The following HMGXB3 variants were observed in gnomAD, a reference collection of about 807,000 sequenced individuals.
The protein encoded by HMGXB3 is HMG-box containing 3.
HMGXB3 carries 45 observed loss-of-function variants against 121.5 expected under a neutral mutation model. The ratio of observed to expected loss-of-function variants is 0.37; its 90% CI spans 0.29 to 0.47. The LOEUF (loss-of-function observed/expected upper bound fraction) is 0.47. Ranked by LOEUF, HMGXB3 falls within the 20% of genes least tolerant of loss-of-function variation. HMGXB3 has a pLI of 0.99. For missense variants in HMGXB3, 1,376 were observed against 1,602.2 expected (o/e 0.86, Z 2.41); for synonymous variants, 590 against 624.1 (o/e 0.95, Z 0.81).
intron 11 of HMGXB3, among the ~76,000 whole-genome samples, chr5:150,033,282 A>T (rs1756423543): frequency 6.6e-6 from 1 of 152,196 alleles, no homozygotes; most frequent in Non-Finnish European, 1.5e-5. Flanking sequence ...TGAGAAGAGA[A>T]ATGTCACTGG....
At chr5:150,030,183 AAC>A (rs1756339440) in intron 9 of HMGXB3, 2 of 152,072 alleles carry the variant, frequency 1.3e-5, no homozygotes, top group Admixed American at 1.3e-4. Context: ...TTCCTTATAA[AAC>A]ATTTGAGGCC....
intron 7 of HMGXB3, among the ~76,000 whole-genome samples, chr5:150,025,200 T>C (rs1756199144): frequency 6.6e-6 from 1 of 152,228 alleles, no homozygotes; most frequent in African/African-American, 2.4e-5. Context: ...AACTGAAGAT[T>C]GTATATAAAA....
chr5:150,045,711 G>A (rs1053958159), intron 16 of HMGXB3, 26 bp downstream of exon 16: 2 of 1,523,308 alleles, frequency 1.3e-6, no homozygotes, highest in Non-Finnish European at 1.8e-6. Flanking sequence ...GGCTGACTGG[G>A]GTCAAAAAAG....
chr5:150,052,174 G>A lies in HMGXB3; in HGVS notation c.3861G>A (p.Val1287=). The A allele has an allele frequency of 1.3e-6, 2 of 1,545,488 alleles. No individual in the cohort carries two copies. The highest frequency in any genetic ancestry group is 8.7e-7 in the Non-Finnish European group (1 of 1,143,442). Residue 1287 remains valine, a synonymous_variant, in exon 20 of 20, where the codon GTG becomes GTA. Transcript: ENST00000502717. Reference sequence around the variant, plus strand: ...AGGAGGAGGGTGAGGAAGAGGAGGTGGCCGCAGTGGCAGAATAAGCCAGGC... The same window carrying A: ...AGGAGGAGGGTGAGGAAGAGGAGGTAGCCGCAGTGGCAGAATAAGCCAGGC... ...ETEEEGEEEE[V]AAVAE
At chr5:150,030,866 G>T in intron 10 of HMGXB3, 27 bp downstream of exon 10, 1 of 1,509,452 alleles carries the variant, frequency 6.6e-7, no homozygotes, top group Non-Finnish European at 9.0e-7. Flanking sequence ...GTGGTGGTGG[G>T]TTGACATGGA....
At chr5:150,021,569 A>G in intron 6 of HMGXB3, 1 of 393,228 alleles carries the variant, frequency 2.5e-6, no homozygotes, top group Non-Finnish European at 4.9e-6. Context: ...TAGTTGACTT[A>G]AGCATCTGCA....
intron 1 of HMGXB3, among the ~76,000 whole-genome samples, chr5:150,002,212 G>A (rs1157719955): frequency 1.3e-5 from 2 of 152,204 alleles, no homozygotes; most frequent in Admixed American, 1.3e-4. Context: ...GAAATACAGT[G>A]TGTCTGCAAT....
At chr5:150,011,604 G>GTTTT (rs35010665) in intron 4 of HMGXB3, among the ~76,000 whole-genome samples, 1 of 132,666 alleles carries the variant, frequency 7.5e-6, no homozygotes, top group African/African-American at 2.8e-5. Flanking sequence ...TTTTTTTTTG[G>GTTTT]TTTTTTTTTT....
chr5:150,026,127 GC>G, intron 7 of HMGXB3, among the ~76,000 whole-genome samples: 1 of 147,712 alleles, frequency 6.8e-6, no homozygotes, highest in Non-Finnish European at 1.5e-5. Context: ...ACCGCGCCCG[GC>G]CCCATCTTGC....
At chr5:150,009,579 T>C (rs1328728966) in intron 3 of HMGXB3, among the ~76,000 whole-genome samples, 2 of 152,242 alleles carry the variant, frequency 1.3e-5, no homozygotes, top group Admixed American at 6.5e-5. Flanking sequence ...GTCAGAATGC[T>C]TACTTGCTGC....
chr5:150,023,379 A>G (rs73273554), intron 6 of HMGXB3, among the ~76,000 whole-genome samples: 8,784 of 152,200 alleles, frequency 0.058, 832 homozygotes, highest in African/African-American at 0.2. Flanking sequence ...TGAGGATTCA[A>G]TTGAAGCTTG....
At chr5:150,050,551 G>C in intron 19 of HMGXB3, 90 bp downstream of exon 19, 1 of 984,534 alleles carries the variant, frequency 1.0e-6, no homozygotes, top group Non-Finnish European at 1.5e-6. Flanking sequence ...GTGTTATCTC[G>C]GCTCACTGCA....
At chr5:150,028,657 C>A (rs1756303781) in intron 9 of HMGXB3, among the ~76,000 whole-genome samples, 1 of 148,820 alleles carries the variant, frequency 6.7e-6, no homozygotes, top group South Asian at 2.1e-4. Context: ...GCCTCGAACT[C>A]CTGGGCTCAA....
rs1756947943 is a variant in HMGXB3 at position 150,052,476 on chromosome 5, CGT to C, written c.*285_*286del. On this transcript the variant is annotated 3_prime_UTR_variant, in exon 20 of 20. Transcript: ENST00000502717. ...TGGAGGGGAGGCTGAGGGAAAGGCT[CGT>C]AGCTGGTGGGTTCCGTGGGGCCTGC... 7 of 404,084 alleles carry C rather than the reference CGT, an allele frequency of 1.7e-5. No individual in the cohort carries two copies. In the Admixed American group the frequency reaches 1.9e-4, roughly 11 times the overall value. The allele number at this position is 404,084 out of a possible 1,614,324, so 25.0% of individuals were successfully genotyped here.
In HMGXB3 at chr5:150,026,886, G is replaced by T; in HGVS notation, c.1636+5G>T. 6.6e-7 allele frequency: 1 copy of T among 1,509,298 alleles called. No homozygotes were observed. The highest frequency in any genetic ancestry group is 1.3e-5 in the South Asian group (1 of 76,612). 93.5% of individuals were successfully genotyped at this position (1,509,298 alleles called of 1,614,324 possible). ...GGCAGGCCTTTTCCCTGAGTGGTAA[G>T]GGCTGGGACATACCTGGGATGGAGG... is the stretch of plus-strand genomic sequence containing the variant. On this transcript the variant is annotated splice_donor_5th_base_variant and intron_variant, in intron 8 of 19. Transcript: ENST00000502717.
At chr5:150,030,906 G>A in intron 10 of HMGXB3, 67 bp downstream of exon 10, 1 of 1,167,390 alleles carries the variant, frequency 8.6e-7, no homozygotes, top group Admixed American at 2.0e-5. Flanking sequence ...TTGAAGGTCA[G>A]TAGGAGGCTG....
chr5:150,010,314 G>T lies in HMGXB3; in HGVS notation c.516G>T (p.Val172=). 1 of 1,551,774 alleles carries T rather than the reference G, an allele frequency of 6.4e-7. No homozygotes were observed. The highest frequency in any genetic ancestry group is 8.7e-7 in the Non-Finnish European group (1 of 1,147,022). ...PLVSNTAPET[V]PSHAGMAEQC... is the part of the protein sequence containing the mutation. ...TGTCCAACACTGCCCCGGAGACAGTGCCCAGCCATGCAGGCATGGCAGAGC... is the reference window on the plus strand; with the variant it reads ...TGTCCAACACTGCCCCGGAGACAGTTCCCAGCCATGCAGGCATGGCAGAGC... Residue 172 remains valine (V), a synonymous_variant, in exon 4 of 20, where the codon GTG becomes GTT. Coordinates refer to ENST00000502717, the MANE Select transcript of HMGXB3 (RefSeq NM_014983.3).
intron 11 of HMGXB3, 70 bp downstream of exon 11, chr5:150,032,673 A>G (rs1320335060): frequency 2.7e-6 from 4 of 1,507,680 alleles, no homozygotes; most frequent in Non-Finnish European, 3.6e-6. Flanking sequence ...TCTTAGTAGA[A>G]ATAAGAAGAT....
intron 2 of HMGXB3, 74 bp downstream of exon 2, chr5:150,005,063 T>C: frequency 6.7e-7 from 1 of 1,484,744 alleles, no homozygotes. Flanking sequence ...TGAGGAAAAC[T>C]TTTAAGACTC....
Sources: gnomAD v4.1 joint callset for allele counts (sites outside exome capture counted in the v4.1 genomes callset) on GRCh38, gnomAD v4.1.1 for gene constraint, MANE v1.5 for transcripts, NCBI Gene and HGNC (gene_info 2026-07-23, HGNC 2026-07-21) for gene names.